MGAT4C: variants seen among roughly 807,000 people sequenced by gnomAD.
MGAT4C encodes the protein MGAT4 family member C, also known as alpha-1,3-mannosyl-glycoprotein 4-beta-N-acetylglucosaminyltransferase C.
MGAT4C carries 19 observed loss-of-function variants against 40.1 expected under a neutral mutation model. The ratio of observed to expected loss-of-function variants is 0.47; its 90% CI spans 0.33 to 0.70. The LOEUF (loss-of-function observed/expected upper bound fraction) is 0.70, where lower values mean the gene tolerates loss of function less well. Ranked by LOEUF, MGAT4C falls within the 30% of genes least tolerant of loss-of-function variation. The pLI is 0.02. For synonymous variants in MGAT4C, 181 were observed against 187.1 expected, an observed-to-expected ratio of 0.97 and a Z score of 0.27; for missense variants, 491 against 563.2, an observed-to-expected ratio of 0.87 and a Z score of 1.30.
At chr12:86,669,283 T>G (rs997319823) in intron 2 of MGAT4C, among the ~76,000 whole-genome samples, 1 of 151,762 alleles carries the variant, frequency 6.6e-6, no homozygotes, top group Non-Finnish European at 1.5e-5. Flanking sequence ...AACAGCAGAA[T>G]GAACAGCCCC....
chr12:86,672,718 G>A (rs1420647386), intron 2 of MGAT4C, among the ~76,000 whole-genome samples: 1 of 151,988 alleles, frequency 6.6e-6, no homozygotes, highest in African/African-American at 2.4e-5. Flanking sequence ...GGGTACTCGA[G>A]GACATAAAAA....
At chr12:86,432,433 T>G (rs1480781037) in intron 3 of MGAT4C, among the ~76,000 whole-genome samples, 1 of 151,884 alleles carries the variant, frequency 6.6e-6, no homozygotes, top group Non-Finnish European at 1.5e-5. Flanking sequence ...AACAATTTCA[T>G]GGAGAAAATA....
intron 2 of MGAT4C, among the ~76,000 whole-genome samples, chr12:86,648,503 G>T (rs1419047792): frequency 6.6e-6 from 1 of 151,864 alleles, no homozygotes; most frequent in East Asian, 2.0e-4. Context: ...AAGAGGAGGA[G>T]TCACAAGATC....
chr12:86,650,205 G>A (rs972483218), intron 2 of MGAT4C, among the ~76,000 whole-genome samples: 1 of 151,774 alleles, frequency 6.6e-6, no homozygotes, highest in African/African-American at 2.4e-5. Flanking sequence ...AAATTATAAG[G>A]AAAATCTCCA....
At chr12:86,550,985 C>A (rs746919894) in intron 2 of MGAT4C, among the ~76,000 whole-genome samples, 7 of 152,206 alleles carry the variant, frequency 4.6e-5, no homozygotes, top group Non-Finnish European at 1.0e-4. Context: ...GTGGGTCACC[C>A]CTGGCAGACA....
intron 1 of MGAT4C, among the ~76,000 whole-genome samples, chr12:86,214,879 T>C (rs1159479948): frequency 6.6e-6 from 1 of 152,232 alleles, no homozygotes; most frequent in South Asian, 2.1e-4. Flanking sequence ...ATTCGTTGAA[T>C]GATAAATGTA....
intron 3 of MGAT4C, among the ~76,000 whole-genome samples, chr12:86,369,300 T>G (rs1451803839): frequency 1.3e-5 from 2 of 151,988 alleles, no homozygotes; most frequent in Non-Finnish European, 2.9e-5. Flanking sequence ...TTTTAAAATA[T>G]CATATCTTTA....
intron 1 of MGAT4C, among the ~76,000 whole-genome samples, chr12:86,118,988 A>G (rs545627635): frequency 6.6e-6 from 1 of 152,124 alleles, no homozygotes; most frequent in Non-Finnish European, 1.5e-5. Context: ...AATTGGATGC[A>G]TCATATTCTA....
intron 2 of MGAT4C, among the ~76,000 whole-genome samples, chr12:86,635,630 A>G (rs1963194380): frequency 1.3e-5 from 2 of 151,440 alleles, no homozygotes; most frequent in Non-Finnish European, 2.9e-5. Flanking sequence ...ATAATACCAC[A>G]TTTTTACTGT....
chr12:86,148,697 A>T (rs549175610), intron 1 of MGAT4C, among the ~76,000 whole-genome samples: 2 of 152,368 alleles, frequency 1.3e-5, no homozygotes, highest in African/African-American at 4.8e-5. Flanking sequence ...CACTAAAGAC[A>T]AAGTAATAAA....
intron 1 of MGAT4C, among the ~76,000 whole-genome samples, chr12:86,143,112 G>A (rs1478195171): frequency 6.6e-6 from 1 of 152,152 alleles, no homozygotes; most frequent in African/African-American, 2.4e-5. Context: ...CTCCAGAACT[G>A]TAAGAAAGAA....
In MGAT4C at chr12:86,156,764, T is replaced by C. The variant is rs554694979; in HGVS notation, c.-57+99475A>G. 3.2e-3 allele frequency among the ~76,000 whole-genome samples: 491 copies of C among 152,332 alleles called. 1 individual carries two copies. The highest frequency in any genetic ancestry group is 0.011 in the African/African-American group (460 of 41,576). On this transcript the variant is annotated intron_variant, in intron 1 of 4. Transcript: ENST00000611864. Reference sequence around the variant, plus strand: ...GTTCATTTTTCATTTTTCTACTGAGTAAATTATGGCTCAGAAAACTTGGCT... The same window carrying C: ...GTTCATTTTTCATTTTTCTACTGAGCAAATTATGGCTCAGAAAACTTGGCT...
chr12:86,700,091 T>TAATGTAGCTA (rs1565934014), intron 2 of MGAT4C, among the ~76,000 whole-genome samples: 11 of 144,254 alleles, frequency 7.6e-5, no homozygotes, highest in African/African-American at 2.8e-4. Flanking sequence ...TGTAGATAGA[T>TAATGTAGCTA]GATAGATAGA....
At chr12:86,282,654 C>A (rs1953249457) in intron 4 of MGAT4C, among the ~76,000 whole-genome samples, 1 of 151,962 alleles carries the variant, frequency 6.6e-6, no homozygotes, top group Non-Finnish European at 1.5e-5. Flanking sequence ...TGTTCAGTAT[C>A]TAATTAACTG....
intron 2 of MGAT4C, among the ~76,000 whole-genome samples, chr12:86,641,596 T>C (rs79113265): frequency 0.14 from 20,775 of 151,632 alleles, 2,286 homozygotes; most frequent in African/African-American, 0.31. Flanking sequence ...AGAATGAATG[T>C]GGAGAGAAGG....
chr12:86,683,901 C>T (rs1196967059), intron 2 of MGAT4C, among the ~76,000 whole-genome samples: 2 of 152,192 alleles, frequency 1.3e-5, no homozygotes, highest in Non-Finnish European at 2.9e-5. Context: ...CTAATTTCAA[C>T]ATGCTCTTGT....
intron 1 of MGAT4C, among the ~76,000 whole-genome samples, chr12:86,777,573 T>G (rs539254505): frequency 6.6e-6 from 1 of 152,174 alleles, no homozygotes; most frequent in African/African-American, 2.4e-5. Context: ...TGGTTGGAAA[T>G]GTACCAAGTA....
At chr12:86,008,022 C>T (rs1236666469) in intron 2 of MGAT4C, among the ~76,000 whole-genome samples, 4 of 151,542 alleles carry the variant, frequency 2.6e-5, no homozygotes, top group Admixed American at 6.6e-5. Flanking sequence ...GTATATGTCT[C>T]TATTTATTTT....
At chr12:86,713,632 GCTAAA>G (rs1157042975) in intron 2 of MGAT4C, among the ~76,000 whole-genome samples, 1 of 152,012 alleles carries the variant, frequency 6.6e-6, no homozygotes. Flanking sequence ...AAAAACATTA[GCTAAA>G]CTATTTTCTG....
Sources: allele counts gnomAD v4.1 joint callset (sites outside exome capture counted in the v4.1 genomes callset), GRCh38; gene constraint gnomAD v4.1.1; transcripts MANE v1.5; gene names NCBI Gene and HGNC (gene_info 2026-07-23, HGNC 2026-07-21).